TRMT9B: variants seen among roughly 807,000 people sequenced by gnomAD.
TRMT9B encodes tRNA methyltransferase 9B (putative), also known as probable tRNA methyltransferase 9B.
Under a neutral mutation model 11.5 loss-of-function variants are expected in TRMT9B, and 16 were observed. That is an observed-to-expected ratio of 1.39 (90% CI 0.94 to 2.11). The LOEUF (loss-of-function observed/expected upper bound fraction) is 2.11, where lower values mean the gene tolerates loss of function less well. Ranked by LOEUF, TRMT9B falls within the 30% of genes most tolerant of loss-of-function variation. The probability of loss-of-function intolerance (pLI) is 0.00; values close to 1 mark genes in which losing one functional copy is unlikely to be tolerated. For missense variants in TRMT9B, 941 were observed against 553.8 expected, an observed-to-expected ratio of 1.70 and a Z score of -7.02; for synonymous variants, 274 against 192.4, an observed-to-expected ratio of 1.42 and a Z score of -3.51.
Position 13,021,233 on chromosome 8 carries a change from A to C in TRMT9B, c.554A>C (p.Glu185Ala), listed in dbSNP as rs766680965. The change falls in exon 5 of 5, where the codon GAA (glutamate) becomes GCA (alanine). Residue 185 changes from glutamate to alanine, a missense_variant. Transcript: ENST00000524591. Reference sequence around the variant, plus strand: ...AGGAAGAGGCAGTGTGGATACCCAGAAAGAGGCCATCCCTACCATCCTCCT... The same window carrying C: ...AGGAAGAGGCAGTGTGGATACCCAGCAAGAGGCCATCCCTACCATCCTCCT... ...SGRKRQCGYP[E>A]RGHPYHPPCS... is the part of the protein sequence containing the mutation. 1 of 1,613,894 alleles carries C rather than the reference A, an allele frequency of 6.2e-7. No individual in the cohort carries two copies. The highest frequency in any genetic ancestry group is 8.5e-7 in the Non-Finnish European group (1 of 1,179,830).
intron 1 of TRMT9B, among the ~76,000 whole-genome samples, chr8:12,965,751 G>T (rs969942999): frequency 6.6e-6 from 1 of 152,028 alleles, no homozygotes; most frequent in Non-Finnish European, 1.5e-5. Flanking sequence ...AGCAACTCAC[G>T]CCTGTAATCC....
chr8:13,011,821 T>G, intron 3 of TRMT9B: 5 of 962,840 alleles, frequency 5.2e-6, no homozygotes, highest in Non-Finnish European at 6.2e-6. Context: ...TAGCAATGAA[T>G]AGAGATTGGA....
At chr8:13,004,891 A>C (rs1810146800) in intron 2 of TRMT9B, among the ~76,000 whole-genome samples, 1 of 151,984 alleles carries the variant, frequency 6.6e-6, no homozygotes, top group South Asian at 2.1e-4. Flanking sequence ...GCTGCATCTC[A>C]TGGCTTGAGT....
intron 2 of TRMT9B, among the ~76,000 whole-genome samples, chr8:12,997,814 G>T (rs1466655085): frequency 6.6e-6 from 1 of 152,186 alleles, no homozygotes; most frequent in Non-Finnish European, 1.5e-5. Context: ...AGCTTTAGTT[G>T]TTGCTGTCAG....
At position 12,998,529 on chromosome 8, in the gene TRMT9B, C is replaced by G. The variant is rs149027432; in HGVS notation, c.-2+7498C>G. Reference sequence around the variant, plus strand: ...TTCCCATCACAAACAAATGAGAAATCCCTTCTGATGACAGGGCTAAGTGCT... The same window carrying G: ...TTCCCATCACAAACAAATGAGAAATGCCTTCTGATGACAGGGCTAAGTGCT... On this transcript the variant is annotated intron_variant, in intron 2 of 4. Transcript: ENST00000524591. Among the ~76,000 whole-genome samples the G allele has an allele frequency of 2.5e-3, 379 of 152,302 alleles. 3 individuals carry two copies. The highest frequency in any genetic ancestry group is 8.6e-3 in the African/African-American group (357 of 41,558).
At chr8:12,961,034 G>A (rs549254573) in intron 1 of TRMT9B, among the ~76,000 whole-genome samples, 1 of 152,148 alleles carries the variant, frequency 6.6e-6, no homozygotes, top group East Asian at 1.9e-4. Context: ...CCAGCTACTC[G>A]GGAGGCTGAG....
chr8:12,996,205 C>G (rs1288209749), intron 2 of TRMT9B, among the ~76,000 whole-genome samples: 2 of 152,154 alleles, frequency 1.3e-5, no homozygotes, highest in Non-Finnish European at 2.9e-5. Flanking sequence ...CACAATTCAT[C>G]CTTAATTTCA....
At chr8:12,963,883 T>A (rs978311163) in intron 1 of TRMT9B, among the ~76,000 whole-genome samples, 6 of 152,246 alleles carry the variant, frequency 3.9e-5, no homozygotes, top group African/African-American at 1.4e-4. Context: ...TCTGTGGACA[T>A]GTGGAATCAG....
At chr8:12,971,095 C>T (rs558819615) in intron 1 of TRMT9B, among the ~76,000 whole-genome samples, 1 of 152,244 alleles carries the variant, frequency 6.6e-6, no homozygotes, top group East Asian at 1.9e-4. Context: ...CATACCGTCA[C>T]CTCAAACATG....
At chr8:12,982,260 G>C (rs1022735258) in intron 1 of TRMT9B, among the ~76,000 whole-genome samples, 2 of 152,102 alleles carry the variant, frequency 1.3e-5, no homozygotes, top group Admixed American at 6.6e-5. Flanking sequence ...GAAGGGGCAG[G>C]GTTACTCACA....
intron 3 of TRMT9B, among the ~76,000 whole-genome samples, chr8:13,008,604 C>T (rs1335239714): frequency 1.3e-5 from 2 of 152,178 alleles, no homozygotes; most frequent in Non-Finnish European, 2.9e-5. Context: ...TGACAGATAA[C>T]TTTGACCCTA....
chr8:12,948,315 G>C (rs1030267207), intron 1 of TRMT9B, among the ~76,000 whole-genome samples: 1 of 151,384 alleles, frequency 6.6e-6, no homozygotes, highest in African/African-American at 2.4e-5. Context: ...ATGAGTACTA[G>C]AAGTATAACT....
At chr8:13,010,253 T>C (rs1811350657) in intron 3 of TRMT9B, 1 of 884,340 alleles carries the variant, frequency 1.1e-6, no homozygotes, top group Non-Finnish European at 1.4e-6. Flanking sequence ...TTTTGTACTA[T>C]ATACATTTTT....
intron 2 of TRMT9B, among the ~76,000 whole-genome samples, chr8:12,997,937 C>T (rs1167107605): frequency 6.6e-6 from 1 of 152,102 alleles, no homozygotes; most frequent in Non-Finnish European, 1.5e-5. Context: ...CCATTTTACC[C>T]ATTCTTTTGT....
At chr8:12,976,860 G>T in intron 1 of TRMT9B, among the ~76,000 whole-genome samples, 1 of 152,136 alleles carries the variant, frequency 6.6e-6, no homozygotes, top group East Asian at 1.9e-4. Flanking sequence ...GCTCTGACCT[G>T]CAGGCAAAGG....
chr8:13,012,656 G>C, intron 3 of TRMT9B, 28 bp from the exon 4 acceptor site: 1 of 1,587,348 alleles, frequency 6.3e-7, no homozygotes, highest in East Asian at 2.3e-5. Flanking sequence ...ATTGAGGATA[G>C]CATGTAACGC....
chr8:12,958,937 C>T (rs1801676246), intron 1 of TRMT9B, among the ~76,000 whole-genome samples: 1 of 151,940 alleles, frequency 6.6e-6, no homozygotes, highest in Non-Finnish European at 1.5e-5. Flanking sequence ...CACACCGGGG[C>T]TTGTCAGGGG....
At chr8:12,956,534 A>G (rs1801333755) in intron 1 of TRMT9B, among the ~76,000 whole-genome samples, 1 of 152,252 alleles carries the variant, frequency 6.6e-6, no homozygotes, top group Admixed American at 6.5e-5. Context: ...AAGGTAAAAT[A>G]TTAGGAAAAT....
intron 1 of TRMT9B, among the ~76,000 whole-genome samples, chr8:12,980,089 G>C (rs1381174085): frequency 6.6e-6 from 1 of 152,204 alleles, no homozygotes; most frequent in Non-Finnish European, 1.5e-5. Flanking sequence ...CGGGGCTGCT[G>C]TAATAAATGA....
Sources: allele counts gnomAD v4.1 joint callset (sites outside exome capture counted in the v4.1 genomes callset), GRCh38; gene constraint gnomAD v4.1.1; transcripts MANE v1.5; gene names NCBI Gene and HGNC (gene_info 2026-07-23, HGNC 2026-07-21).